MEAK7: variants seen among roughly 807,000 people sequenced by gnomAD.
MEAK7 encodes MTOR associated protein MEAK7.
In MEAK7, 68 loss-of-function variants were observed where a neutral mutation model predicts 40.5. The ratio of observed to expected loss-of-function variants is 1.68; its 90% confidence interval spans 1.38 to 2.06. The LOEUF is 2.06. Among genes scored for constraint, MEAK7 ranks in the 30% most tolerant of loss-of-function variants. The probability of loss-of-function intolerance (pLI) is 0.00; values close to 1 mark genes in which losing one functional copy is unlikely to be tolerated. For synonymous variants in MEAK7, 338 were observed against 231.9 expected (o/e 1.46, Z -4.16); for missense variants, 918 against 580.5 (o/e 1.58, Z -5.98).
At chr16:84,483,497 C>G (rs1185404356) in intron 5 of MEAK7, among the ~76,000 whole-genome samples, 1 of 152,230 alleles carries the variant, frequency 6.6e-6, no homozygotes, top group Non-Finnish European at 1.5e-5. Flanking sequence ...GAGAAACAAG[C>G]TCATGGGAAT....
At chr16:84,481,575 C>A (rs775862074) in intron 6 of MEAK7, among the ~76,000 whole-genome samples, 2 of 152,184 alleles carry the variant, frequency 1.3e-5, no homozygotes, top group African/African-American at 4.8e-5. Context: ...GGACGCTGGT[C>A]CCTATATCGG....
intron 1 of MEAK7, among the ~76,000 whole-genome samples, chr16:84,499,072 C>T (rs1489355835): frequency 3.3e-5 from 5 of 152,196 alleles, no homozygotes; most frequent in African/African-American, 1.2e-4. Context: ...TGATCCCGGC[C>T]CGTGAGCCTC....
intron 5 of MEAK7, among the ~76,000 whole-genome samples, chr16:84,485,188 C>A (rs753212940): frequency 2.0e-5 from 3 of 152,208 alleles, no homozygotes; most frequent in Non-Finnish European, 4.4e-5. Flanking sequence ...AAGGCTGAGG[C>A]TGCTGTCTCT....
chr16:84,504,382 C>A (rs536628880), intron 1 of MEAK7, among the ~76,000 whole-genome samples: 1 of 152,280 alleles, frequency 6.6e-6, no homozygotes, highest in East Asian at 1.9e-4. Context: ...TCTGATCCCC[C>A]CCAGGAGACC....
At chr16:84,503,795 C>A (rs758591847) in intron 1 of MEAK7, among the ~76,000 whole-genome samples, 1 of 152,050 alleles carries the variant, frequency 6.6e-6, no homozygotes, top group Non-Finnish European at 1.5e-5. Context: ...TGCAGGATGG[C>A]CCCCAAGGTT....
rs1912242632 is a variant in MEAK7, at chr16:84,478,670, A to G, written c.*1243T>C. 1 of 152,140 alleles carries G rather than the reference A, an allele frequency of 6.6e-6. No homozygotes were observed. The highest frequency in any genetic ancestry group is 1.5e-5 in the Non-Finnish European group (1 of 68,028). The allele number at this position is 152,140 out of a possible 1,614,324, so 9.4% of individuals were successfully genotyped here. A position where few individuals can be genotyped will look rare whatever the true frequency, so the allele number is the denominator to read the frequency against. On this transcript the variant is annotated 3_prime_UTR_variant, in exon 8 of 8. Coordinates refer to ENST00000343629, the MANE Select transcript of MEAK7 (RefSeq NM_020947.4). ...AGATGGCAGCTCTGCTGACCCCACA[A>G]CCCACCTACACGATCTTCAGCATTT...
intron 5 of MEAK7, among the ~76,000 whole-genome samples, chr16:84,485,289 G>C (rs1446697156): frequency 6.6e-6 from 1 of 152,198 alleles, no homozygotes; most frequent in Non-Finnish European, 1.5e-5. Flanking sequence ...CTAAGATAAA[G>C]ATCTAGAACA....
chr16:84,494,862 C>T (rs933457425), intron 3 of MEAK7: 4 of 449,418 alleles, frequency 8.9e-6, no homozygotes, highest in African/African-American at 2.0e-5. Context: ...AAAATAAAAA[C>T]TCAGGACTCC....
intron 3 of MEAK7, among the ~76,000 whole-genome samples, chr16:84,493,346 G>T (rs1440525373): frequency 6.6e-6 from 1 of 152,126 alleles, no homozygotes; most frequent in African/African-American, 2.4e-5. Context: ...TTAAATATCG[G>T]TTCCGATAAC....
At chr16:84,487,095 T>C (rs1161871403) in intron 4 of MEAK7, 36 bp from the exon 5 acceptor site, 2 of 1,572,470 alleles carry the variant, frequency 1.3e-6, no homozygotes, top group Admixed American at 1.8e-5. Context: ...AGTGGGGCTG[T>C]TATGTCACCA....
At chr16:84,482,992 G>T (rs62048672) in intron 5 of MEAK7, among the ~76,000 whole-genome samples, 8,725 of 152,286 alleles carry the variant, frequency 0.057, 282 homozygotes, top group African/African-American at 0.074. Flanking sequence ...GCTGGAATCA[G>T]TTCAGGCTGG....
At chr16:84,500,392 T>C (rs1310842797) in intron 1 of MEAK7, among the ~76,000 whole-genome samples, 3 of 152,222 alleles carry the variant, frequency 2.0e-5, no homozygotes, top group East Asian at 3.8e-4. Context: ...CTCTCCACTC[T>C]ATAATCCCAT....
intron 5 of MEAK7, among the ~76,000 whole-genome samples, chr16:84,483,320 C>T (rs1020130169): frequency 2.0e-5 from 3 of 152,260 alleles, no homozygotes; most frequent in African/African-American, 7.2e-5. Flanking sequence ...TCAGAGACTC[C>T]TCCACTCCAT....
chr16:84,497,982 T>C lies in MEAK7; in HGVS notation c.105A>G (p.Lys35=). 1.2e-6 allele frequency: 2 copies of C among 1,614,214 alleles called. No homozygotes were observed. The highest frequency in any genetic ancestry group is 1.7e-6 in the Non-Finnish European group (2 of 1,180,044). The change falls in exon 2 of 8, where the codon AAA becomes AAG. Residue 35 remains lysine, a synonymous_variant. Coordinates refer to ENST00000343629, the MANE Select transcript of MEAK7 (RefSeq NM_020947.4). ...ATTTGGATGAGACATTCGGGCTGTT[T>C]TTATCTGATGACAGAGCATCAAACA... ...DQLFDALSSD[K]NSPNVSSKSF...
intron 5 of MEAK7, among the ~76,000 whole-genome samples, chr16:84,485,649 TCCATC>T (rs1360085108): frequency 2.7e-4 from 40 of 148,444 alleles, no homozygotes; most frequent in Non-Finnish European, 1.5e-5. Flanking sequence ...TATCCATCCA[TCCATC>T]CATCCATCCA....
chr16:84,482,903 T>C (rs962382068), intron 5 of MEAK7, among the ~76,000 whole-genome samples, 193 bp from the exon 6 acceptor site: 6 of 152,114 alleles, frequency 3.9e-5, no homozygotes, highest in African/African-American at 1.4e-4. Context: ...ATGCAGGGAT[T>C]AGAGGGACAG....
chr16:84,495,626 C>A (rs546301312), intron 3 of MEAK7, 57 bp downstream of exon 3: 64 of 1,553,852 alleles, frequency 4.1e-5, no homozygotes, highest in Non-Finnish European at 5.0e-5. Flanking sequence ...TCCATCCCCC[C>A]ACCGATGGTC....
At chr16:84,504,039 T>C (rs1261763607) in intron 1 of MEAK7, 1 of 985,374 alleles carries the variant, frequency 1.0e-6, no homozygotes, top group African/African-American at 1.7e-5. Flanking sequence ...CAGAGGCCCT[T>C]GTGCGAAGGG....
At position 84,503,849 on chromosome 16, in the gene MEAK7, G is replaced by T. The variant is rs145279599; in HGVS notation, c.-26+752C>A. ...ATGGCTTAGTCACCTCCTGCTCAGA[G>T]CTTCTCCAACAGGCTGTTACATGGC... On this transcript the variant is annotated intron_variant, in intron 1 of 7. Transcript: ENST00000343629. 9.8e-4 allele frequency: 815 copies of T among 833,250 alleles called. 6 individuals are homozygous for T. In the African/African-American group the frequency reaches 0.014, roughly 14 times the overall value. The allele number at this position is 833,250 out of a possible 1,614,324, so 51.6% of individuals were successfully genotyped here. A position where few individuals can be genotyped will look rare whatever the true frequency, so the allele number is the denominator to read the frequency against.
Sources: gnomAD v4.1 joint callset for allele counts (sites outside exome capture counted in the v4.1 genomes callset) on GRCh38, gnomAD v4.1.1 for gene constraint, MANE v1.5 for transcripts, NCBI Gene and HGNC (gene_info 2026-07-23, HGNC 2026-07-21) for gene names.